GLI2: variants seen among roughly 807,000 people sequenced by gnomAD.
The protein encoded by GLI2 is transcription activator GLI2.
Under a neutral mutation model 78.9 loss-of-function variants are expected in GLI2, and 22 were observed. The ratio of observed to expected loss-of-function variants is 0.28; its 90% confidence interval spans 0.20 to 0.40. The LOEUF (loss-of-function observed/expected upper bound fraction) is 0.40, where lower values mean the gene tolerates loss of function less well. Among genes scored for constraint, GLI2 ranks in the 10% least tolerant of loss-of-function variants. The pLI is 1.00. For synonymous variants in GLI2, 974 were observed against 963.7 expected (o/e 1.01, Z -0.20); for missense variants, 2,097 against 2,213.2 (o/e 0.95, Z 1.05).
intron 2 of GLI2, among the ~76,000 whole-genome samples, chr2:120,851,546 T>A (rs1032931827): frequency 6.6e-6 from 1 of 152,348 alleles, no homozygotes. Context: ...CTGGGATGAC[T>A]GCCTGTGACT....
intron 10 of GLI2, among the ~76,000 whole-genome samples, chr2:120,979,621 C>A (rs948630907): frequency 2.6e-5 from 4 of 152,170 alleles, no homozygotes; most frequent in Admixed American, 2.6e-4. Flanking sequence ...TCACCCTTTT[C>A]GGAAAATGTG....
chr2:120,794,742 A>G (rs1012772689), intron 1 of GLI2, among the ~76,000 whole-genome samples: 1 of 152,108 alleles, frequency 6.6e-6, no homozygotes, highest in Non-Finnish European at 1.5e-5. Flanking sequence ...GAACCAGTGT[A>G]TAGTGCTAGT....
At chr2:120,777,456 G>A (rs556688411) in intron 1 of GLI2, among the ~76,000 whole-genome samples, 2 of 152,114 alleles carry the variant, frequency 1.3e-5, no homozygotes, top group Non-Finnish European at 2.9e-5. Context: ...AGAGGGTGGG[G>A]GCCTGTGTGG....
chr2:120,908,071 A>G (rs1280491440), intron 2 of GLI2, among the ~76,000 whole-genome samples: 1 of 152,158 alleles, frequency 6.6e-6, no homozygotes, highest in Non-Finnish European at 1.5e-5. Flanking sequence ...TCATGCCCAC[A>G]TGGGGCCCTA....
rs114347131 is a variant in GLI2, at chr2:120,937,253, T to C, written c.254+9787T>C. On this transcript the variant is annotated intron_variant, in intron 3 of 13. Transcript: ENST00000361492. The stretch of plus-strand genomic sequence containing the variant: ...AGGCACAGTCTTTTTTAATAGAATT[T>C]TTATTTGTATAAATTTATGGGGTGC... Among the ~76,000 whole-genome samples the C allele has an allele frequency of 8.8e-3, 1,344 of 152,274 alleles. 16 individuals carry two copies. The highest frequency in any genetic ancestry group is 0.029 in the African/African-American group (1,188 of 41,532).
intron 2 of GLI2, among the ~76,000 whole-genome samples, chr2:120,899,072 A>C (rs1678118846): frequency 6.6e-6 from 1 of 152,064 alleles, no homozygotes. Context: ...CTCTCCAAAC[A>C]CTGGGTCCTT....
At chr2:120,785,004 C>T (rs898480583) in intron 1 of GLI2, among the ~76,000 whole-genome samples, 2 of 152,210 alleles carry the variant, frequency 1.3e-5, no homozygotes, top group African/African-American at 4.8e-5. Context: ...CTCAGGAAAC[C>T]TGTGCCACCC....
rs1345312066 is a variant in GLI2 at position 120,782,742 on chromosome 2, A to G, written c.-30-14549A>G. On this transcript the variant is annotated intron_variant, in intron 1 of 13. Transcript: ENST00000361492. ...CTGTCCTGGTCACTACAGGATATCTACCAGCATCCCTGGTCTCAACCCACT... is the reference window on the plus strand; with the variant it reads ...CTGTCCTGGTCACTACAGGATATCTGCCAGCATCCCTGGTCTCAACCCACT... 2.0e-5 allele frequency among the ~76,000 whole-genome samples: 3 copies of G among 152,232 alleles called. No homozygotes were observed. The East Asian group carries it at 5.8e-4, about 29-fold the overall frequency.
At position 120,955,323 on chromosome 2, in the gene GLI2, A is replaced by C; in HGVS notation, c.536A>C (p.Gln179Pro). ...ACCACCCCCTCAGACTATTACCACC[A>C]GATGACCCTCGTGGCAGGCCACCCC... ...PGTTPSDYYH[Q>P]MTLVAGHPAP... Residue 179 changes from glutamine (Q) to proline (P), a missense_variant, in exon 5 of 14, where the codon CAG (glutamine) becomes CCG (proline). By Grantham distance (76) the Gln-to-Pro change is moderately conservative. Transcript: ENST00000361492. 6.2e-7 allele frequency: 1 copy of C among 1,613,242 alleles called. No individual in the cohort carries two copies. The highest frequency in any genetic ancestry group is 1.1e-5 in the South Asian group (1 of 91,068).
chr2:120,988,991 C>T lies in GLI2; in HGVS notation c.3026C>T (p.Pro1009Leu). The change falls in exon 14 of 14, where the codon CCC becomes CTC. Residue 1009 changes from proline (P) to leucine (L), a missense_variant. This residue lies in a region of GLI2 where 1,290 missense variants were observed against 1,261.7 expected (regional missense o/e 1.02). Transcript: ENST00000361492. ...GGCCTGGCCCGCGGCGCCTACTCGC[C>T]CCGGCCGCCTAGCATCAGCGAGAAC... is the stretch of plus-strand genomic sequence containing the variant. ...DGGLARGAYS[P>L]RPPSISENVA... 6.3e-7 allele frequency: 1 copy of T among 1,584,882 alleles called. No homozygotes were observed. The highest frequency in any genetic ancestry group is 8.5e-7 in the Non-Finnish European group (1 of 1,170,950).
intron 1 of GLI2, among the ~76,000 whole-genome samples, chr2:120,785,295 C>A (rs905076269): frequency 3.3e-5 from 5 of 152,218 alleles, no homozygotes; most frequent in African/African-American, 1.2e-4. Flanking sequence ...TACCTCCTAC[C>A]TCATCATGAA....
intron 2 of GLI2, among the ~76,000 whole-genome samples, chr2:120,845,082 G>A (rs1225220474): frequency 6.6e-6 from 1 of 152,078 alleles, no homozygotes; most frequent in African/African-American, 2.4e-5. Flanking sequence ...AGACCAGTCT[G>A]GCCAGCATGG....
chr2:120,917,678 TC>T (rs1218307681), intron 2 of GLI2, among the ~76,000 whole-genome samples: 128 of 152,372 alleles, frequency 8.4e-4, no homozygotes, highest in African/African-American at 3.0e-3. Context: ...TGGGACCTGG[TC>T]ACATCCCTTC....
At chr2:120,803,721 C>T (rs1299781440) in intron 2 of GLI2, among the ~76,000 whole-genome samples, 2 of 152,204 alleles carry the variant, frequency 1.3e-5, no homozygotes, top group Non-Finnish European at 2.9e-5. Flanking sequence ...CCAAAGGTTA[C>T]TAAAGCTGGC....
At chr2:120,884,423 G>T (rs537833974) in intron 2 of GLI2, among the ~76,000 whole-genome samples, 4 of 152,334 alleles carry the variant, frequency 2.6e-5, no homozygotes, top group Admixed American at 2.0e-4. Context: ...ACATTACTTA[G>T]TGAGTCCCTC....
At chr2:120,881,105 GCACCTGA>G (rs370490253) in intron 2 of GLI2, among the ~76,000 whole-genome samples, 361 of 152,306 alleles carry the variant, frequency 2.4e-3, no homozygotes, top group Middle Eastern at 3.4e-3. Context: ...TTTATCTAAA[GCACCTGA>G]CACCCTTTCA....
chr2:120,810,234 G>A (rs1462672926), intron 2 of GLI2, among the ~76,000 whole-genome samples: 2 of 152,220 alleles, frequency 1.3e-5, no homozygotes, highest in Non-Finnish European at 2.9e-5. Flanking sequence ...GCTACGCGGT[G>A]AGTATCTACC....
In GLI2 at chr2:120,833,242, C is replaced by T. The variant is rs150209771; in HGVS notation, c.148+35774C>T. The stretch of plus-strand genomic sequence containing the variant: ...CCTACGAGATGGTGTTTGCCTGTTG[C>T]GGATTCTCAGGGCCAGAGGCAGTAT... On this transcript the variant is annotated intron_variant, in intron 2 of 13. Coordinates refer to ENST00000361492, the MANE Select transcript of GLI2 (RefSeq NM_001374353.1). Among the ~76,000 whole-genome samples the T allele has an allele frequency of 3.3e-5, 5 of 151,788 alleles. No homozygotes were observed. The East Asian group carries it at 7.8e-4, about 24-fold the overall frequency.
Position 120,978,548 on chromosome 2 carries a change from C to T in GLI2, c.1432C>T (p.Arg478Trp). ...KAQYMLVVHM[R>W]RHTGEKPHKC... Reference sequence around the variant, plus strand: ...GCAGTACATGCTGGTGGTGCACATGCGGCGACACACGGGCGAGAAGCCCCA... The same window carrying T: ...GCAGTACATGCTGGTGGTGCACATGTGGCGACACACGGGCGAGAAGCCCCA... The change falls in exon 10 of 14, where the codon CGG (arginine) becomes TGG (tryptophan). Residue 478 changes from arginine (R) to tryptophan (W), a missense_variant. Arg to Trp is a moderately radical substitution (Grantham distance 101). Coordinates refer to ENST00000361492, the MANE Select transcript of GLI2 (RefSeq NM_001374353.1). 1.2e-6 allele frequency: 2 copies of T among 1,613,984 alleles called. No individual in the cohort carries two copies. Among genetic ancestry groups the T allele is most frequent in the Non-Finnish European group, 1.7e-6 (2 of 1,179,998 alleles).
Sources: gnomAD v4.1 joint callset for allele counts (sites outside exome capture counted in the v4.1 genomes callset) on GRCh38, gnomAD v4.1.1 for gene constraint, gnomAD v4.1.1 regional missense constraint, MANE v1.5 for transcripts, NCBI Gene and HGNC (gene_info 2026-07-23, HGNC 2026-07-21) for gene names.